The following SLC10A7 variants were observed in gnomAD, a reference collection of about 807,000 sequenced individuals.
The protein encoded by SLC10A7 is sodium/bile acid cotransporter 7.
SLC10A7 carries 29 observed loss-of-function variants against 43.2 expected under a neutral mutation model. That is an observed-to-expected ratio of 0.67 (90% CI 0.50 to 0.92). The LOEUF (loss-of-function observed/expected upper bound fraction) is 0.92. Ranked by LOEUF, SLC10A7 falls within the 40% of genes least tolerant of loss-of-function variation. The probability of loss-of-function intolerance (pLI) is 0.00; values close to 1 mark genes in which losing one functional copy is unlikely to be tolerated. For missense variants in SLC10A7, 295 were observed against 403.2 expected (o/e 0.73, Z 2.30); for synonymous variants, 152 against 144.8 (o/e 1.05, Z -0.35).
In SLC10A7 at chr4:146,286,776, T is replaced by G. The variant is rs1408635030; in HGVS notation, c.774-3511A>C. ...TTTGGAGTGGTGAGAAGGACTGTGT[T>G]TGGAGTGGTGAGGGCTTGTGTTTGC... On this transcript the variant is annotated intron_variant, in intron 9 of 11. Coordinates refer to ENST00000335472, the MANE Select transcript of SLC10A7 (RefSeq NM_001029998.6). 2.9e-5 allele frequency among the ~76,000 whole-genome samples: 4 copies of G among 139,714 alleles called. No individual in the cohort carries two copies. In the East Asian group the frequency reaches 6.7e-4, roughly 23 times the overall value. 91.7% of individuals were successfully genotyped at this position (139,714 alleles called of 152,430 possible). A position where few individuals can be genotyped will look rare whatever the true frequency, so the allele number is the denominator to read the frequency against.
chr4:146,395,982 T>C (rs1278400695), intron 5 of SLC10A7, among the ~76,000 whole-genome samples: 1 of 152,220 alleles, frequency 6.6e-6, no homozygotes, highest in Non-Finnish European at 1.5e-5. Context: ...CTTCTTTCTT[T>C]AAATGTATGT....
At chr4:146,348,700 T>A (rs1734803371) in intron 5 of SLC10A7, among the ~76,000 whole-genome samples, 1 of 152,330 alleles carries the variant, frequency 6.6e-6, no homozygotes, top group South Asian at 2.1e-4. Context: ...AACCACACAT[T>A]CTTGAATGTA....
intron 5 of SLC10A7, among the ~76,000 whole-genome samples, chr4:146,379,269 T>C (rs10519802): frequency 0.013 from 1,923 of 152,294 alleles, 66 homozygotes; most frequent in Admixed American, 0.067. Context: ...TTCTCAGCAA[T>C]TATCCTTACA....
intron 4 of SLC10A7, among the ~76,000 whole-genome samples, chr4:146,452,466 C>T (rs1178251179): frequency 1.3e-5 from 2 of 152,046 alleles, no homozygotes; most frequent in African/African-American, 4.8e-5. Flanking sequence ...AAACACAAAA[C>T]ATTTTCATTC....
intron 2 of SLC10A7, chr4:146,514,923 G>A (rs2150054154): frequency 1.8e-6 from 1 of 546,266 alleles, no homozygotes; most frequent in Non-Finnish European, 3.3e-6. Context: ...CTTTTGAAAA[G>A]GGCTTTTGAT....
intron 5 of SLC10A7, among the ~76,000 whole-genome samples, chr4:146,399,368 G>C (rs566488006): frequency 1.3e-5 from 2 of 152,272 alleles, no homozygotes; most frequent in South Asian, 4.2e-4. Flanking sequence ...AGGAAGTTAA[G>C]AAAGGTTTTT....
At chr4:146,497,399 T>C (rs1735993643) in intron 4 of SLC10A7, among the ~76,000 whole-genome samples, 1 of 152,228 alleles carries the variant, frequency 6.6e-6, no homozygotes, top group Non-Finnish European at 1.5e-5. Flanking sequence ...GACTTTTATC[T>C]ATTACAACTC....
At chr4:146,463,424 C>T (rs1732714736) in intron 4 of SLC10A7, among the ~76,000 whole-genome samples, 1 of 152,006 alleles carries the variant, frequency 6.6e-6, no homozygotes, top group Non-Finnish European at 1.5e-5. Context: ...CATACGTGCC[C>T]CTTGACCCAG....
At chr4:146,438,898 T>A (rs1473816832) in intron 5 of SLC10A7, among the ~76,000 whole-genome samples, 1 of 152,064 alleles carries the variant, frequency 6.6e-6, no homozygotes, top group African/African-American at 2.4e-5. Flanking sequence ...AGGAGCAACA[T>A]GTGAGTTGCC....
At chr4:146,264,536 T>C (rs77560466) in intron 10 of SLC10A7, among the ~76,000 whole-genome samples, 118 of 152,310 alleles carry the variant, frequency 7.7e-4, no homozygotes, top group African/African-American at 2.8e-3. Context: ...CTGGTCTAGG[T>C]GGTAGGGATA....
intron 2 of SLC10A7, among the ~76,000 whole-genome samples, chr4:146,512,435 C>T (rs1344331863): frequency 9.2e-5 from 14 of 152,112 alleles, no homozygotes; most frequent in Admixed American, 9.2e-4. Flanking sequence ...CATTTATACA[C>T]AAAATTGATC....
At chr4:146,504,578 A>G (rs1353707972) in intron 3 of SLC10A7, among the ~76,000 whole-genome samples, 1 of 151,988 alleles carries the variant, frequency 6.6e-6, no homozygotes, top group Non-Finnish European at 1.5e-5. Context: ...GTAAGTGTAT[A>G]TAGTCTTAGG....
chr4:146,269,489 A>G (rs1728767435), intron 10 of SLC10A7, among the ~76,000 whole-genome samples: 1 of 152,370 alleles, frequency 6.6e-6, no homozygotes, highest in Non-Finnish European at 1.5e-5. Context: ...AGAGTTGTTT[A>G]GTCTTCTAAA....
intron 6 of SLC10A7, among the ~76,000 whole-genome samples, chr4:146,316,860 T>C (rs900658497): frequency 1.3e-5 from 2 of 152,128 alleles, no homozygotes; most frequent in Admixed American, 6.6e-5. Flanking sequence ...AATCTTGATA[T>C]CCTCCAGGGA....
chr4:146,459,020 T>C (rs560377755), intron 4 of SLC10A7, among the ~76,000 whole-genome samples: 73 of 151,752 alleles, frequency 4.8e-4, no homozygotes, highest in Non-Finnish European at 9.4e-4. Context: ...AATTCAAGAA[T>C]GCAAGGTCTA....
chr4:146,464,475 A>G (rs1214047822), intron 4 of SLC10A7, among the ~76,000 whole-genome samples: 2 of 152,132 alleles, frequency 1.3e-5, no homozygotes, highest in Admixed American at 1.3e-4. Flanking sequence ...AATATTATAT[A>G]CCATACAAGA....
Position 146,290,052 on chromosome 4 carries a change from T to C in SLC10A7, c.773+2877A>G, listed in dbSNP as rs191006828. On this transcript the variant is annotated intron_variant, in intron 9 of 11. Transcript: ENST00000335472. ...AGTACAGAAATTCTTGGGCTGGGCG[T>C]GGTGGCTCACGCCTGTAATCCCAGC... 3.0e-3 allele frequency among the ~76,000 whole-genome samples: 440 copies of C among 144,374 alleles called. 4 individuals are homozygous for C. The highest frequency in any genetic ancestry group is 0.017 in the East Asian group (72 of 4,350). 94.7% of individuals were successfully genotyped at this position (144,374 alleles called of 152,430 possible).
chr4:146,487,551 C>T (rs1233608505), intron 4 of SLC10A7, among the ~76,000 whole-genome samples: 4 of 152,150 alleles, frequency 2.6e-5, no homozygotes, highest in Admixed American at 1.3e-4. Context: ...TCTTACATGG[C>T]TGATTTATGG....
At chr4:146,400,344 T>C (rs1057226291) in intron 5 of SLC10A7, among the ~76,000 whole-genome samples, 20 of 151,946 alleles carry the variant, frequency 1.3e-4, no homozygotes, top group African/African-American at 4.8e-4. Flanking sequence ...CTGTTAAAAG[T>C]AGAAATTGGA....
Sources: gnomAD v4.1 joint callset for allele counts (sites outside exome capture counted in the v4.1 genomes callset) on GRCh38, gnomAD v4.1.1 for gene constraint, MANE v1.5 for transcripts, NCBI Gene and HGNC (gene_info 2026-07-23, HGNC 2026-07-21) for gene names.